The following DNAH11 variants were observed in gnomAD, a reference collection of about 807,000 sequenced individuals.
DNAH11 encodes the protein axonemal beta dynein heavy chain 11.
A neutral mutation model predicts 526.0 loss-of-function variants in DNAH11; 442 were observed. The observed-to-expected ratio is 0.84, with a 90% CI of 0.78 to 0.91. The LOEUF is 0.91. Ranked by LOEUF, DNAH11 falls within the 40% of genes least tolerant of loss-of-function variation. The pLI, the probability that DNAH11 is intolerant of heterozygous loss-of-function variation, is 0.00. For missense variants in DNAH11, 6,989 were observed against 5,448.7 expected (o/e 1.28, Z -8.90); for synonymous variants, 2,461 against 1,935.9 (o/e 1.27, Z -7.12).
intron 6 of DNAH11, among the ~76,000 whole-genome samples, chr7:21,568,423 A>G (rs2128435406): frequency 6.6e-6 from 1 of 152,312 alleles, no homozygotes; most frequent in South Asian, 2.1e-4. Context: ...GCAGCTAAGG[A>G]AATAGATCCT....
intron 51 of DNAH11, among the ~76,000 whole-genome samples, chr7:21,747,895 C>T (rs1165938121): frequency 2.0e-5 from 3 of 152,222 alleles, no homozygotes; most frequent in Non-Finnish European, 4.4e-5. Flanking sequence ...CTTTGATGTC[C>T]TCATACTTGG....
At chr7:21,771,174 T>C (rs1048247267) in intron 55 of DNAH11, among the ~76,000 whole-genome samples, 1 of 152,188 alleles carries the variant, frequency 6.6e-6, no homozygotes, top group Non-Finnish European at 1.5e-5. Flanking sequence ...AATAGATTCT[T>C]TCACCTGCCC....
chr7:21,634,719 C>T (rs143673727), intron 25 of DNAH11, among the ~76,000 whole-genome samples: 21 of 152,136 alleles, frequency 1.4e-4, no homozygotes, highest in Admixed American at 8.5e-4. Context: ...GTACTATGCC[C>T]ATTACCTGGG....
intron 54 of DNAH11, among the ~76,000 whole-genome samples, chr7:21,751,149 C>T (rs975071902): frequency 8.5e-5 from 13 of 152,076 alleles, no homozygotes; most frequent in Non-Finnish European, 1.5e-5. Context: ...CATGATGAAA[C>T]CCCATCTCTA....
intron 45 of DNAH11, among the ~76,000 whole-genome samples, chr7:21,731,635 C>T (rs1173508149): frequency 6.6e-6 from 1 of 152,166 alleles, no homozygotes; most frequent in African/African-American, 2.4e-5. Context: ...CTCACTTATC[C>T]ATGGCTTTGC....
intron 65 of DNAH11, among the ~76,000 whole-genome samples, chr7:21,832,878 A>G (rs1781844746): frequency 6.6e-6 from 1 of 152,166 alleles, no homozygotes; most frequent in Non-Finnish European, 1.5e-5. Flanking sequence ...TTACAGGAAA[A>G]TTTGTCAACC....
rs1215863711 is a variant in DNAH11, at chr7:21,801,240, A to C, written c.10130A>C (p.Lys3377Thr). 1 of 1,613,938 alleles carries C rather than the reference A, an allele frequency of 6.2e-7. No individual in the cohort carries two copies. Among genetic ancestry groups the C allele is most frequent in the South Asian group, 1.1e-5 (1 of 91,048 alleles). The change falls in exon 62 of 82, where the codon AAA becomes ACA. Residue 3377 changes from lysine to threonine, a missense_variant. Transcript: ENST00000409508. ...EEVNQTNKTI[K>T]LANRLVKELE... ...GTGAACCAAACCAACAAAACCATCA[A>C]ATTAGCTAACAGACTTGTCAAGGAA...
chr7:21,806,463 C>G (rs1789267326), intron 62 of DNAH11, among the ~76,000 whole-genome samples: 1 of 152,116 alleles, frequency 6.6e-6, no homozygotes, highest in Non-Finnish European at 1.5e-5. Flanking sequence ...CTTTAATAAG[C>G]AAAGCAGGGA....
intron 30 of DNAH11, among the ~76,000 whole-genome samples, chr7:21,667,111 T>C (rs1782451380): frequency 6.6e-6 from 1 of 151,992 alleles, no homozygotes; most frequent in Admixed American, 6.6e-5. Flanking sequence ...ATAAAAAATG[T>C]GGAGTTTATG....
chr7:21,647,428 T>TTTC (rs35113317), intron 28 of DNAH11, among the ~76,000 whole-genome samples: 4 of 37,296 alleles, frequency 1.1e-4, no homozygotes, highest in African/African-American at 3.3e-4. Context: ...TCTTTCTTTC[T>TTTC]TTTTTTTTTT....
At position 21,591,329 on chromosome 7, in the gene DNAH11, G is replaced by A; in HGVS notation, c.2419G>A (p.Asp807Asn). Residue 807 changes from aspartate to asparagine, a missense_variant, in exon 14 of 82, where the codon GAT becomes AAT. Asp to Asn is a conservative substitution (Grantham distance 23). Coordinates refer to ENST00000409508, the MANE Select transcript of DNAH11 (RefSeq NM_001277115.2). The part of the protein sequence containing the change: ...TAATTWLTWQ[D>N]DCWGYIERVR... ...AGCCACAACGTGGCTGACATGGCAG[G>A]ATGACTGCTGGGGCTACATCGAGAG... 6.2e-7 allele frequency: 1 copy of A among 1,613,808 alleles called. No individual in the cohort carries two copies. The highest frequency in any genetic ancestry group is 1.1e-5 in the South Asian group (1 of 91,072).
chr7:21,748,469 A>G lies in DNAH11; in HGVS notation c.8511-111A>G, dbSNP rs929924397. ...GCGCCACTGCACTCCGGCCTGGGCA[A>G]CAGAGCAAGTCTCCATCTCAAAAGC... On this transcript the variant is annotated intron_variant, in intron 51 of 81. Coordinates refer to ENST00000409508, the MANE Select transcript of DNAH11 (RefSeq NM_001277115.2). The G allele has an allele frequency of 9.9e-6, 12 of 1,210,292 alleles. No individual in the cohort carries two copies. The South Asian group carries it at 1.0e-4, about 10-fold the overall frequency. The allele number at this position is 1,210,292 out of a possible 1,614,324, so 75.0% of individuals were successfully genotyped here.
At chr7:21,726,951 T>TTTTTTTTTTTTTTA (rs1562512222) in intron 45 of DNAH11, among the ~76,000 whole-genome samples, 1 of 112,176 alleles carries the variant, frequency 8.9e-6, no homozygotes. Flanking sequence ...TTTTTTTTTT[T>TTTTTTTTTTTTTTA]GAGATGGAGT....
chr7:21,838,586 T>C (rs1028627162), intron 65 of DNAH11, among the ~76,000 whole-genome samples: 19 of 152,210 alleles, frequency 1.2e-4, no homozygotes, highest in African/African-American at 4.3e-4. Flanking sequence ...TCTTTCACTT[T>C]GTACATTTTC....
chr7:21,584,963 G>A (rs1784435542), intron 9 of DNAH11, among the ~76,000 whole-genome samples: 1 of 151,642 alleles, frequency 6.6e-6, no homozygotes, highest in Non-Finnish European at 1.5e-5. Context: ...AAAATGTAGA[G>A]TGAAATCTCA....
intron 20 of DNAH11, among the ~76,000 whole-genome samples, chr7:21,612,224 A>G (rs1285837424): frequency 1.3e-5 from 2 of 152,154 alleles, no homozygotes; most frequent in African/African-American, 4.8e-5. Context: ...AAAGAAAAAT[A>G]TTAACCAGTA....
At chr7:21,611,269 T>C (rs1785512515) in intron 20 of DNAH11, among the ~76,000 whole-genome samples, 1 of 152,172 alleles carries the variant, frequency 6.6e-6, no homozygotes, top group African/African-American at 2.4e-5. Context: ...GACTTGAACC[T>C]GCAGCCTCCC....
chr7:21,851,404 A>T (rs1782631832), intron 66 of DNAH11: 2 of 329,816 alleles, frequency 6.1e-6, no homozygotes, highest in Non-Finnish European at 1.2e-5. Context: ...AGTCTCAGGA[A>T]GTCCTTTATC....
chr7:21,767,826 G>A (rs1400927566), intron 55 of DNAH11, among the ~76,000 whole-genome samples: 1 of 152,106 alleles, frequency 6.6e-6, no homozygotes, highest in African/African-American at 2.4e-5. Context: ...CACTTTCTTA[G>A]TTTTAATTTC....
Sources: allele counts gnomAD v4.1 joint callset (sites outside exome capture counted in the v4.1 genomes callset), GRCh38; gene constraint gnomAD v4.1.1; transcripts MANE v1.5; gene names NCBI Gene and HGNC (gene_info 2026-07-23, HGNC 2026-07-21).